ATRNL1: variants seen among roughly 807,000 people sequenced by gnomAD.
ATRNL1 encodes the protein attractin like 1.
A neutral mutation model predicts 182.7 loss-of-function variants in ATRNL1; 95 were observed. The observed-to-expected ratio is 0.52, with a 90% CI of 0.44 to 0.62. ATRNL1 has a LOEUF of 0.62. ATRNL1 is among the 20% of genes least tolerant of loss of function. ATRNL1 has a pLI of 0.00. For missense variants in ATRNL1, 1,471 were observed against 1,679.5 expected (o/e 0.88, Z 2.17); for synonymous variants, 576 against 568.3 (o/e 1.01, Z -0.19).
chr10:115,695,505 T>C (rs1246583648), intron 26 of ATRNL1, among the ~76,000 whole-genome samples: 2 of 152,182 alleles, frequency 1.3e-5, no homozygotes, highest in Non-Finnish European at 2.9e-5. Context: ...TTAAACCTAA[T>C]ATGATGTCAT....
intron 25 of ATRNL1, among the ~76,000 whole-genome samples, chr10:115,527,129 T>C (rs1188598168): frequency 5.7e-5 from 7 of 122,136 alleles, no homozygotes; most frequent in African/African-American, 2.0e-4. Context: ...TTTTTTTTTT[T>C]TCCCCCCCGA....
chr10:115,523,385 A>G (rs782285114), intron 25 of ATRNL1, among the ~76,000 whole-genome samples: 26 of 152,168 alleles, frequency 1.7e-4, no homozygotes, highest in Admixed American at 1.2e-3. Context: ...GGCTCCTTTT[A>G]TTCATGCTAC....
chr10:115,866,749 T>C (rs1176856476), intron 28 of ATRNL1, among the ~76,000 whole-genome samples: 3 of 151,974 alleles, frequency 2.0e-5, no homozygotes, highest in African/African-American at 7.2e-5. Context: ...TTTATGGGAG[T>C]TTTTTTTAAA....
chr10:115,206,082 C>G (rs1848784392), intron 8 of ATRNL1, among the ~76,000 whole-genome samples: 2 of 152,036 alleles, frequency 1.3e-5, no homozygotes, highest in Non-Finnish European at 1.5e-5. Flanking sequence ...TAGGATATTT[C>G]TGTTGCATAT....
At chr10:115,812,742 G>T (rs146067986) in intron 27 of ATRNL1, among the ~76,000 whole-genome samples, 4 of 152,084 alleles carry the variant, frequency 2.6e-5, no homozygotes, top group South Asian at 2.1e-4. Context: ...CTCCCAAAGT[G>T]CTGGGATTAG....
chr10:115,392,369 AATCTC>A (rs748914562), intron 19 of ATRNL1, among the ~76,000 whole-genome samples: 4 of 152,136 alleles, frequency 2.6e-5, no homozygotes, highest in Non-Finnish European at 5.9e-5. Flanking sequence ...TCTTGTATGA[AATCTC>A]AGACTCACTC....
At chr10:115,497,527 A>G (rs372620542) in intron 24 of ATRNL1, among the ~76,000 whole-genome samples, 11 of 152,216 alleles carry the variant, frequency 7.2e-5, no homozygotes, top group South Asian at 2.1e-4. Context: ...ATGAATCCCA[A>G]TGTGTTCACC....
intron 26 of ATRNL1, among the ~76,000 whole-genome samples, chr10:115,719,559 A>G (rs1160348540): frequency 2.6e-5 from 4 of 152,228 alleles, no homozygotes; most frequent in South Asian, 2.1e-4. Flanking sequence ...CTAAAAAGAA[A>G]TGATGAAATT....
chr10:115,696,904 C>T (rs533211769), intron 26 of ATRNL1, among the ~76,000 whole-genome samples: 3 of 132,840 alleles, frequency 2.3e-5, no homozygotes, highest in South Asian at 2.5e-4. Flanking sequence ...AGAGAGCGAG[C>T]GAGCTAGGGG....
chr10:115,519,694 G>A (rs1850819110), intron 25 of ATRNL1, among the ~76,000 whole-genome samples: 1 of 152,072 alleles, frequency 6.6e-6, no homozygotes, highest in African/African-American at 2.4e-5. Context: ...AGTTAATTTT[G>A]TTAATTGTGT....
intron 24 of ATRNL1, among the ~76,000 whole-genome samples, chr10:115,489,304 T>A (rs890443736): frequency 6.6e-6 from 1 of 152,324 alleles, no homozygotes. Context: ...CTCCTTGATC[T>A]GTCTAATATT....
chr10:115,434,000 C>T (rs1299170567), intron 21 of ATRNL1, among the ~76,000 whole-genome samples: 2 of 152,104 alleles, frequency 1.3e-5, no homozygotes, highest in African/African-American at 4.8e-5. Context: ...TTACCTTTCT[C>T]ACTAAGCCAT....
At chr10:115,296,826 A>G (rs1208513793) in intron 15 of ATRNL1, among the ~76,000 whole-genome samples, 1 of 152,194 alleles carries the variant, frequency 6.6e-6, no homozygotes, top group African/African-American at 2.4e-5. Context: ...TTCATTTGGT[A>G]TACATTTATT....
chr10:115,350,352 A>C (rs1237430664), intron 19 of ATRNL1, among the ~76,000 whole-genome samples: 3 of 150,380 alleles, frequency 2.0e-5, no homozygotes, highest in South Asian at 2.1e-4. Context: ...AAAAGAAAAA[A>C]AAAAAAAAAA....
intron 9 of ATRNL1, among the ~76,000 whole-genome samples, chr10:115,236,600 T>G (rs1163814860): frequency 6.6e-6 from 1 of 152,182 alleles, no homozygotes; most frequent in Non-Finnish European, 1.5e-5. Flanking sequence ...AAACTCTATG[T>G]TTTAGAGCAG....
intron 18 of ATRNL1, among the ~76,000 whole-genome samples, chr10:115,322,296 G>T (rs1854623599): frequency 6.6e-6 from 1 of 151,538 alleles, no homozygotes; most frequent in Non-Finnish European, 1.5e-5. Context: ...ATGAAAGGAG[G>T]ATAAGTATAT....
At chr10:115,123,366 T>A (rs983403386) in intron 3 of ATRNL1, among the ~76,000 whole-genome samples, 2 of 152,220 alleles carry the variant, frequency 1.3e-5, no homozygotes, top group Non-Finnish European at 2.9e-5. Context: ...GTTATTTGCT[T>A]CTAATAGATG....
chr10:115,708,731 T>G (rs1946973728), intron 26 of ATRNL1, among the ~76,000 whole-genome samples: 1 of 151,736 alleles, frequency 6.6e-6, no homozygotes. Flanking sequence ...AAGTTCAAGC[T>G]GAAATGTTAG....
At chr10:115,850,411 T>C (rs1951028170) in intron 28 of ATRNL1, among the ~76,000 whole-genome samples, 1 of 152,122 alleles carries the variant, frequency 6.6e-6, no homozygotes, top group South Asian at 2.1e-4. Flanking sequence ...CTGACACCAA[T>C]ATATGAACTA....
Sources: allele counts gnomAD v4.1 joint callset (sites outside exome capture counted in the v4.1 genomes callset), GRCh38; gene constraint gnomAD v4.1.1; transcripts MANE v1.5; gene names NCBI Gene and HGNC (gene_info 2026-07-23, HGNC 2026-07-21).